Variants in MINDY3 observed in about 807,000 individuals in gnomAD.
MINDY3 encodes the protein MINDY lysine 48 deubiquitinase 3.
Under a neutral mutation model 69.2 loss-of-function variants are expected in MINDY3, and 38 were observed. The observed-to-expected ratio is 0.55, with a 90% CI of 0.42 to 0.72. The LOEUF (loss-of-function observed/expected upper bound fraction) is 0.72, where lower values mean the gene tolerates loss of function less well. Among genes scored for constraint, MINDY3 ranks in the 30% least tolerant of loss-of-function variants. MINDY3 has a pLI of 0.00. For synonymous variants in MINDY3, 192 were observed against 180.1 expected (o/e 1.07, Z -0.53); for missense variants, 522 against 519.0 (o/e 1.01, Z -0.06).
At chr10:15,822,508 T>C (rs899100885) in intron 8 of MINDY3, among the ~76,000 whole-genome samples, 2 of 152,162 alleles carry the variant, frequency 1.3e-5, no homozygotes, top group African/African-American at 4.8e-5. Flanking sequence ...GAAAAATCGA[T>C]GCATTTAAGG....
At chr10:15,837,152 C>T in intron 6 of MINDY3, 52 bp downstream of exon 6, 1 of 972,156 alleles carries the variant, frequency 1.0e-6, no homozygotes, top group Non-Finnish European at 1.6e-6. Context: ...GCAGGAAAAA[C>T]AGCACTGAAC....
intron 1 of MINDY3, among the ~76,000 whole-genome samples, chr10:15,858,730 T>C (rs886564350): frequency 6.6e-6 from 1 of 152,188 alleles, no homozygotes; most frequent in African/African-American, 2.4e-5. Flanking sequence ...AGTATAAATA[T>C]AAACAGGGCT....
At chr10:15,784,972 A>G (rs1046194501) in intron 13 of MINDY3, among the ~76,000 whole-genome samples, 19 of 152,116 alleles carry the variant, frequency 1.2e-4, no homozygotes, top group African/African-American at 4.6e-4. Context: ...GTCTTCCTCT[A>G]AAGCAGCTGT....
chr10:15,780,814 G>T (rs1280437377), intron 14 of MINDY3, among the ~76,000 whole-genome samples: 3 of 152,004 alleles, frequency 2.0e-5, no homozygotes, highest in African/African-American at 7.3e-5. Flanking sequence ...TCACAAACAT[G>T]ATTTGAAAAC....
intron 10 of MINDY3, among the ~76,000 whole-genome samples, chr10:15,812,751 T>C (rs1839093773): frequency 6.6e-6 from 1 of 152,182 alleles, no homozygotes; most frequent in African/African-American, 2.4e-5. Flanking sequence ...GTGATGTGCA[T>C]ACAGTGAACA....
At chr10:15,852,067 T>C (rs1588658437) in intron 1 of MINDY3, among the ~76,000 whole-genome samples, 2 of 152,314 alleles carry the variant, frequency 1.3e-5, no homozygotes, top group East Asian at 1.9e-4. Context: ...TAATTCCTCA[T>C]AGGGATATTT....
At position 15,821,730 on chromosome 10, in the gene MINDY3, C is replaced by CA; in HGVS notation, c.731-5dup. ...TGTTCATGTATACCAAGAAGTTCTG[C>CA]AAAAAACAACAACAACAACAAAAAA... On this transcript the variant is annotated splice_polypyrimidine_tract_variant and splice_region_variant and intron_variant, in intron 8 of 14. Coordinates refer to ENST00000277632, the MANE Select transcript of MINDY3 (RefSeq NM_024948.4). 1.2e-6 allele frequency: 2 copies of CA among 1,606,484 alleles called. No individual in the cohort carries two copies. Among genetic ancestry groups the CA allele is most frequent in the Middle Eastern group, 1.7e-4 (1 of 6,014 alleles).
At chr10:15,799,058 G>A (rs1235006736) in intron 10 of MINDY3, among the ~76,000 whole-genome samples, 1 of 151,956 alleles carries the variant, frequency 6.6e-6, no homozygotes, top group Non-Finnish European at 1.5e-5. Flanking sequence ...AGGGCATATG[G>A]TCTTAGCAGC....
intron 2 of MINDY3, among the ~76,000 whole-genome samples, chr10:15,846,741 T>TTTTTA (rs11385214): frequency 6.6e-6 from 1 of 151,126 alleles, no homozygotes. Context: ...TTTTTTTTTT[T>TTTTTA]GAGACAAAGT....
chr10:15,801,772 CAT>C (rs1838275783), intron 10 of MINDY3, among the ~76,000 whole-genome samples: 1 of 152,010 alleles, frequency 6.6e-6, no homozygotes, highest in Non-Finnish European at 1.5e-5. Context: ...TGGCCCAAAA[CAT>C]ATTCCTGCTA....
At chr10:15,803,624 C>T (rs987421151) in intron 10 of MINDY3, among the ~76,000 whole-genome samples, 3 of 152,106 alleles carry the variant, frequency 2.0e-5, no homozygotes, top group African/African-American at 7.2e-5. Flanking sequence ...TCTAACTATA[C>T]ATAAAACCAT....
At position 15,778,953 on chromosome 10, in the gene MINDY3, A is replaced by T; in HGVS notation, c.*39T>A. 5 of 1,580,542 alleles carry T rather than the reference A, an allele frequency of 3.2e-6. No individual in the cohort carries two copies. The highest frequency in any genetic ancestry group is 4.3e-6 in the Non-Finnish European group (5 of 1,157,202). On this transcript the variant is annotated 3_prime_UTR_variant, in exon 15 of 15. Transcript: ENST00000277632. Reference sequence around the variant, plus strand: ...GCCAGTCTTGACTCCTTCTTTCAACATCTGTTATTAAGATCTTCCTTATAA... The same window carrying T: ...GCCAGTCTTGACTCCTTCTTTCAACTTCTGTTATTAAGATCTTCCTTATAA...
intron 4 of MINDY3, among the ~76,000 whole-genome samples, chr10:15,838,606 A>G (rs1340938722): frequency 3.3e-5 from 5 of 151,748 alleles, no homozygotes; most frequent in African/African-American, 1.2e-4. Flanking sequence ...GCACTTTTAA[A>G]TAATCTTTCA....
At chr10:15,857,220 G>GT (rs1305335382) in intron 1 of MINDY3, among the ~76,000 whole-genome samples, 1 of 151,920 alleles carries the variant, frequency 6.6e-6, no homozygotes, top group Non-Finnish European at 1.5e-5. Flanking sequence ...TTTCTGTGAA[G>GT]TTTTTTATAA....
intron 10 of MINDY3, among the ~76,000 whole-genome samples, chr10:15,801,917 G>A (rs1824893876): frequency 6.6e-6 from 1 of 151,862 alleles, no homozygotes; most frequent in Admixed American, 6.6e-5. Context: ...AATAACAGAA[G>A]ATGGCTTGAT....
chr10:15,842,248 A>G (rs1191319785), intron 3 of MINDY3, among the ~76,000 whole-genome samples: 1 of 151,836 alleles, frequency 6.6e-6, no homozygotes, highest in Non-Finnish European at 1.5e-5. Flanking sequence ...AAACTTTCAA[A>G]AATTTTATGA....
At chr10:15,843,736 GAGCTCAAGTTT>G (rs1260299249) in intron 2 of MINDY3, among the ~76,000 whole-genome samples, 4 of 152,038 alleles carry the variant, frequency 2.6e-5, no homozygotes, top group Admixed American at 1.3e-4. Flanking sequence ...TTATTATCAG[GAGCTCAAGTTT>G]AACTCAAAAA....
chr10:15,831,011 GTTC>G (rs749532357), intron 8 of MINDY3, among the ~76,000 whole-genome samples: 1 of 152,112 alleles, frequency 6.6e-6, no homozygotes, highest in Non-Finnish European at 1.5e-5. Context: ...AAGATATATA[GTTC>G]TTCTAAAACA....
chr10:15,841,610 C>A lies in MINDY3; in HGVS notation c.236-11G>T, dbSNP rs370832611. On this transcript the variant is annotated splice_polypyrimidine_tract_variant and intron_variant, in intron 3 of 14. Coordinates refer to ENST00000277632, the MANE Select transcript of MINDY3 (RefSeq NM_024948.4). ...CCTTCTGCTCTTCCTCTAAAAATAA[C>A]CAAAGCATAAGTTATAATGGTTTCC... 6.3e-7 allele frequency: 1 copy of A among 1,580,824 alleles called. No homozygotes were observed. Among genetic ancestry groups the A allele is most frequent in the Non-Finnish European group, 8.6e-7 (1 of 1,162,768 alleles).
Sources: gnomAD v4.1 joint callset for allele counts (sites outside exome capture counted in the v4.1 genomes callset) on GRCh38, gnomAD v4.1.1 for gene constraint, MANE v1.5 for transcripts, NCBI Gene and HGNC (gene_info 2026-07-23, HGNC 2026-07-21) for gene names.